Variants in KDM4C observed in about 807,000 individuals in gnomAD.
The protein encoded by KDM4C is lysine-specific demethylase 4C.
KDM4C carries 81 observed loss-of-function variants against 129.3 expected under a neutral mutation model. The observed-to-expected ratio is 0.63, with a 90% CI of 0.52 to 0.75. The LOEUF is 0.75. Ranked by LOEUF, KDM4C falls within the 30% of genes least tolerant of loss-of-function variation. The pLI, the probability that KDM4C is intolerant of heterozygous loss-of-function variation, is 0.00. For synonymous variants in KDM4C, 573 were observed against 456.1 expected (o/e 1.26, Z -3.26); for missense variants, 1,457 against 1,304.0 (o/e 1.12, Z -1.81).
intron 17 of KDM4C, among the ~76,000 whole-genome samples, chr9:7,078,470 C>G (rs1834169773): frequency 6.6e-6 from 1 of 150,812 alleles, no homozygotes; most frequent in Non-Finnish European, 1.5e-5. Context: ...ACACATTTTT[C>G]TTATTAATGT....
rs112152067 is a variant in KDM4C at position 6,853,973 on chromosome 9, A to T, written c.629+4273A>T. ...TATACTGTGTATAAATGCTTTGTAAACTGTAAAGTATTATACAAATACTCA... is the reference window on the plus strand; with the variant it reads ...TATACTGTGTATAAATGCTTTGTAATCTGTAAAGTATTATACAAATACTCA... On this transcript the variant is annotated intron_variant, in intron 5 of 21. Transcript: ENST00000381309. Among the ~76,000 whole-genome samples the T allele has an allele frequency of 2.1e-3, 325 of 152,274 alleles. 1 individual carries two copies. Among genetic ancestry groups the T allele is most frequent in the African/African-American group, 7.4e-3 (308 of 41,546 alleles).
intron 17 of KDM4C, among the ~76,000 whole-genome samples, chr9:7,069,315 C>G (rs1234028565): frequency 6.6e-6 from 1 of 152,146 alleles, no homozygotes; most frequent in African/African-American, 2.4e-5. Context: ...ACGTGGAACA[C>G]ATTTTCTCAT....
chr9:6,773,262 A>G (rs1256162741), intron 1 of KDM4C, among the ~76,000 whole-genome samples: 1 of 152,174 alleles, frequency 6.6e-6, no homozygotes, highest in Non-Finnish European at 1.5e-5. Flanking sequence ...TCAGCCTTCC[A>G]TTGTGCTGGA....
rs967101336 is a variant in KDM4C, at chr9:7,103,837, T to G, written c.2577T>G (p.Ile859Met). ...ATGACTGGCCTTATGTGGTGAACAT[T>G]ACATGCTTTCGACATAAGGTCAACC... ...EPDDWPYVVNITCFRHKVNPN... is the reference protein window; with the variant it reads ...EPDDWPYVVNMTCFRHKVNPN... The change falls in exon 18 of 22, where the codon ATT (isoleucine) becomes ATG (methionine). Residue 859 changes from isoleucine to methionine, a missense_variant. Transcript: ENST00000381309. The G allele has an allele frequency of 6.2e-7, 1 of 1,613,894 alleles. No homozygotes were observed. The highest frequency in any genetic ancestry group is 8.5e-7 in the Non-Finnish European group (1 of 1,179,956).
chr9:7,044,428 T>C (rs1005826871), intron 15 of KDM4C, among the ~76,000 whole-genome samples: 1 of 151,768 alleles, frequency 6.6e-6, no homozygotes, highest in African/African-American at 2.4e-5. Flanking sequence ...TCAGAGTAGC[T>C]CTGGGTGGCT....
chr9:7,033,042 C>A (rs903361887), intron 15 of KDM4C, among the ~76,000 whole-genome samples: 1 of 151,986 alleles, frequency 6.6e-6, no homozygotes, highest in Admixed American at 6.6e-5. Context: ...AGCTCTGAAG[C>A]GGCTTTGTAG....
intron 8 of KDM4C, among the ~76,000 whole-genome samples, chr9:6,968,152 C>G (rs1248482421): frequency 6.6e-6 from 1 of 152,020 alleles, no homozygotes; most frequent in African/African-American, 2.4e-5. Context: ...TAAGATAGGC[C>G]TCCTTCACCT....
chr9:6,839,642 C>T (rs900955666), intron 4 of KDM4C, among the ~76,000 whole-genome samples: 15 of 151,928 alleles, frequency 9.9e-5, no homozygotes, highest in Admixed American at 8.5e-4. Flanking sequence ...CATGGTGGCT[C>T]GTGCCTATAA....
intron 4 of KDM4C, among the ~76,000 whole-genome samples, chr9:6,822,732 CAAAGAT>C (rs1422039904): frequency 2.0e-5 from 3 of 152,210 alleles, no homozygotes; most frequent in Non-Finnish European, 1.5e-5. Context: ...AACAAACACA[CAAAGAT>C]AAAGATAAAA....
intron 8 of KDM4C, among the ~76,000 whole-genome samples, chr9:6,975,844 C>G (rs1832825943): frequency 1.3e-5 from 2 of 152,326 alleles, no homozygotes; most frequent in African/African-American, 2.4e-5. Flanking sequence ...TTGAGACCAG[C>G]TTGGCTAACA....
chr9:7,093,008 G>A (rs4742306), intron 17 of KDM4C, among the ~76,000 whole-genome samples: 84,884 of 151,956 alleles, frequency 0.56, 24,068 homozygotes, highest in Middle Eastern at 0.72. Context: ...TGAACTTTTA[G>A]AAGTTAACGT....
At chr9:6,736,768 C>A (rs1218387477) in intron 1 of KDM4C, among the ~76,000 whole-genome samples, 1 of 152,046 alleles carries the variant, frequency 6.6e-6, no homozygotes, top group Non-Finnish European at 1.5e-5. Flanking sequence ...AAATCAGTAT[C>A]CACCAGGAGC....
chr9:6,959,768 T>A (rs915546070), intron 8 of KDM4C, among the ~76,000 whole-genome samples: 4 of 152,162 alleles, frequency 2.6e-5, no homozygotes, highest in African/African-American at 9.7e-5. Context: ...TTACACCAAA[T>A]AACATGACGG....
intron 5 of KDM4C, among the ~76,000 whole-genome samples, chr9:6,878,028 T>A (rs1200955390): frequency 6.6e-6 from 1 of 152,216 alleles, no homozygotes; most frequent in African/African-American, 2.4e-5. Context: ...TTCACAGGGA[T>A]AAGCATGGAG....
At chr9:6,979,362 T>C (rs771132922) in intron 8 of KDM4C, among the ~76,000 whole-genome samples, 1 of 152,080 alleles carries the variant, frequency 6.6e-6, no homozygotes, top group Non-Finnish European at 1.5e-5. Context: ...GAGCCGAGGA[T>C]GAAGTTTTGC....
chr9:6,832,582 T>C (rs7864152), intron 4 of KDM4C, among the ~76,000 whole-genome samples: 85,225 of 147,374 alleles, frequency 0.58, 25,317 homozygotes, highest in African/African-American at 0.73. Context: ...CCCGCCACCA[T>C]GCCCAGCTAA....
intron 21 of KDM4C, chr9:7,170,570 T>C (rs1024138730): frequency 1.0e-6 from 1 of 952,916 alleles, no homozygotes; most frequent in Non-Finnish European, 1.2e-6. Flanking sequence ...CTTCATATTA[T>C]TGTATCATAA....
intron 5 of KDM4C, among the ~76,000 whole-genome samples, chr9:6,876,802 A>C (rs990087075): frequency 6.6e-6 from 1 of 152,142 alleles, no homozygotes; most frequent in African/African-American, 2.4e-5. Flanking sequence ...CATAGACTGC[A>C]GGTTTGAAAG....
At chr9:6,841,027 T>C (rs1315580608) in intron 4 of KDM4C, among the ~76,000 whole-genome samples, 1 of 152,220 alleles carries the variant, frequency 6.6e-6, no homozygotes, top group Non-Finnish European at 1.5e-5. Flanking sequence ...TGCCCATCTG[T>C]ATATTCTTTT....
Sources: gnomAD v4.1 joint callset for allele counts (sites outside exome capture counted in the v4.1 genomes callset) on GRCh38, gnomAD v4.1.1 for gene constraint, MANE v1.5 for transcripts, NCBI Gene and HGNC (gene_info 2026-07-23, HGNC 2026-07-21) for gene names.